NRXN1: variants seen among roughly 807,000 people sequenced by gnomAD.
NRXN1 encodes neurexin-1.
A neutral mutation model predicts 150.9 loss-of-function variants in NRXN1; 39 were observed. The observed-to-expected ratio is 0.26, with a 90% CI of 0.20 to 0.34. The LOEUF (loss-of-function observed/expected upper bound fraction) is 0.34, where lower values mean the gene tolerates loss of function less well. Ranked by LOEUF, NRXN1 falls within the 10% of genes least tolerant of loss-of-function variation. NRXN1 has a pLI of 1.00. For missense variants in NRXN1, 1,815 were observed against 1,949.9 expected (o/e 0.93, Z 1.30); for synonymous variants, 924 against 757.0 (o/e 1.22, Z -3.62).
chr2:50,622,277 C>T (rs1439254308), intron 6 of NRXN1, among the ~76,000 whole-genome samples: 1 of 152,054 alleles, frequency 6.6e-6, no homozygotes, highest in Admixed American at 6.6e-5. Context: ...CTTTCTCTAG[C>T]TCAGATAGTA....
intron 17 of NRXN1, among the ~76,000 whole-genome samples, chr2:50,317,661 G>A (rs1193050537): frequency 2.0e-5 from 3 of 151,766 alleles, no homozygotes; most frequent in East Asian, 1.9e-4. Context: ...AGAAAAAAAC[G>A]TCTAAGATGA....
At chr2:50,807,741 C>CT (rs1667697456) in intron 5 of NRXN1, among the ~76,000 whole-genome samples, 1 of 152,114 alleles carries the variant, frequency 6.6e-6, no homozygotes, top group African/African-American at 2.4e-5. Context: ...CTTAGCTATA[C>CT]TTTAAATTAA....
chr2:50,896,941 A>G (rs1027690013), intron 5 of NRXN1, among the ~76,000 whole-genome samples: 2 of 152,234 alleles, frequency 1.3e-5, no homozygotes, highest in African/African-American at 4.8e-5. Flanking sequence ...AAGAGGCACT[A>G]CAGCCAGCGC....
At chr2:50,100,955 T>G (rs1025170236) in intron 18 of NRXN1, among the ~76,000 whole-genome samples, 3 of 152,210 alleles carry the variant, frequency 2.0e-5, no homozygotes, top group African/African-American at 7.2e-5. Flanking sequence ...GGTAATACTT[T>G]CCATTTGGAT....
chr2:50,341,098 T>C (rs2077520113), intron 17 of NRXN1, among the ~76,000 whole-genome samples: 3 of 152,198 alleles, frequency 2.0e-5, no homozygotes, highest in Admixed American at 1.3e-4. Context: ...GAGTATTCCA[T>C]AGGAGGAGGA....
At chr2:50,750,670 T>C (rs906281972) in intron 5 of NRXN1, among the ~76,000 whole-genome samples, 4 of 152,148 alleles carry the variant, frequency 2.6e-5, no homozygotes, top group Non-Finnish European at 4.4e-5. Flanking sequence ...CACTTTAATG[T>C]TTCCTTAGTC....
chr2:50,936,989 A>C (rs1371343986), intron 2 of NRXN1, among the ~76,000 whole-genome samples: 1 of 152,130 alleles, frequency 6.6e-6, no homozygotes, highest in Non-Finnish European at 1.5e-5. Context: ...TTGAAGAAGA[A>C]ATTGGAGAGA....
intron 2 of NRXN1, among the ~76,000 whole-genome samples, chr2:50,972,728 C>T (rs997151469): frequency 4.6e-5 from 7 of 151,944 alleles, no homozygotes; most frequent in African/African-American, 1.2e-4. Flanking sequence ...CCCTCACATG[C>T]ACAGGTCATC....
chr2:51,021,891 G>T (rs1180112339), intron 2 of NRXN1, among the ~76,000 whole-genome samples: 1 of 152,006 alleles, frequency 6.6e-6, no homozygotes, highest in African/African-American at 2.4e-5. Flanking sequence ...GAAAGTGAAA[G>T]CATAGTTTCT....
At chr2:50,690,995 C>A (rs1691993353) in intron 5 of NRXN1, among the ~76,000 whole-genome samples, 1 of 152,146 alleles carries the variant, frequency 6.6e-6, no homozygotes, top group Non-Finnish European at 1.5e-5. Context: ...TGTTGTTTCA[C>A]AAAACCTCCC....
intron 16 of NRXN1, among the ~76,000 whole-genome samples, chr2:50,470,682 T>G (rs1240661687): frequency 6.6e-6 from 1 of 151,726 alleles, no homozygotes; most frequent in African/African-American, 2.4e-5. Flanking sequence ...AAATCTAAAA[T>G]TTTCAAAATG....
At chr2:50,470,812 T>A (rs1439403449) in intron 16 of NRXN1, among the ~76,000 whole-genome samples, 2 of 151,858 alleles carry the variant, frequency 1.3e-5, no homozygotes, top group South Asian at 2.1e-4. Context: ...TCTGAGGTGT[T>A]GAAGTGAAAA....
At chr2:50,519,109 G>A (rs2092707584) in intron 12 of NRXN1, among the ~76,000 whole-genome samples, 1 of 151,638 alleles carries the variant, frequency 6.6e-6, no homozygotes, top group Non-Finnish European at 1.5e-5. Flanking sequence ...CTTTCTTTTT[G>A]TTTCTTTACA....
intron 8 of NRXN1, among the ~76,000 whole-genome samples, chr2:50,614,745 A>AC (rs1306287568): frequency 6.7e-6 from 1 of 148,740 alleles, no homozygotes; most frequent in African/African-American, 2.4e-5. Context: ...AAAAAAAAAA[A>AC]AAAAAAAAAA....
At chr2:51,007,705 A>G (rs769906286) in intron 2 of NRXN1, among the ~76,000 whole-genome samples, 26 of 152,060 alleles carry the variant, frequency 1.7e-4, no homozygotes, top group Non-Finnish European at 1.9e-4. Context: ...TCTTAAACTG[A>G]GTAAATCCTG....
chr2:50,995,593 A>G (rs1187316398), intron 2 of NRXN1, among the ~76,000 whole-genome samples: 2 of 142,130 alleles, frequency 1.4e-5, no homozygotes, highest in East Asian at 2.1e-4. Flanking sequence ...TGACAGAGCT[A>G]GACTCTGTCA....
At chr2:50,819,411 G>C (rs934476058) in intron 5 of NRXN1, among the ~76,000 whole-genome samples, 4 of 152,122 alleles carry the variant, frequency 2.6e-5, no homozygotes, top group South Asian at 2.1e-4. Context: ...CATGCTAAGT[G>C]AAAGAAACCA....
chr2:50,542,079 C>T (rs931116986), intron 9 of NRXN1, among the ~76,000 whole-genome samples: 2 of 152,142 alleles, frequency 1.3e-5, no homozygotes, highest in African/African-American at 2.4e-5. Flanking sequence ...GTCAGGAGTT[C>T]GAGACCAGCC....
In NRXN1 at chr2:50,516,464, A is replaced by G. The variant is rs553731040; in HGVS notation, c.2375-9847T>C. The stretch of plus-strand genomic sequence containing the variant: ...TGGAGGCAAAATTCTTCATTTATCT[A>G]TGTGAGAAGCATAGTTGAGTCACCT... On this transcript the variant is annotated intron_variant, in intron 12 of 22. Transcript: ENST00000401669. Among the ~76,000 whole-genome samples, 9 of 152,246 alleles carry G rather than the reference A, an allele frequency of 5.9e-5. No homozygotes were observed. In the East Asian group the frequency reaches 1.7e-3, roughly 29 times the overall value.
Sources: gnomAD v4.1 joint callset for allele counts (sites outside exome capture counted in the v4.1 genomes callset) on GRCh38, gnomAD v4.1.1 for gene constraint, MANE v1.5 for transcripts, NCBI Gene and HGNC (gene_info 2026-07-23, HGNC 2026-07-21) for gene names.